ZNF614: variants seen among roughly 807,000 people sequenced by gnomAD.
ZNF614 encodes zinc finger protein 614.
Under a neutral mutation model 12.8 loss-of-function variants are expected in ZNF614, and 11 were observed. The ratio of observed to expected loss-of-function variants is 0.86; its 90% CI spans 0.54 to 1.43. The LOEUF (loss-of-function observed/expected upper bound fraction) is 1.43, where lower values mean the gene tolerates loss of function less well. ZNF614 is among the 40% of genes most tolerant of loss of function. The probability of loss-of-function intolerance (pLI) is 0.00; values close to 1 mark genes in which losing one functional copy is unlikely to be tolerated. For missense variants in ZNF614, 664 were observed against 708.8 expected (o/e 0.94, Z 0.72); for synonymous variants, 237 against 237.5 (o/e 1.00, Z 0.02).
chr19:52,017,758 T>G, intron 4 of ZNF614: 1 of 401,488 alleles, frequency 2.5e-6, no homozygotes, highest in South Asian at 6.1e-5. Flanking sequence ...TGGCTCTTTA[T>G]TGTCAACTCT....
chr19:52,018,545 TAG>T (rs2086915331), intron 2 of ZNF614, 51 bp from the exon 3 acceptor site: 1 of 1,539,822 alleles, frequency 6.5e-7, no homozygotes, highest in Non-Finnish European at 8.8e-7. Flanking sequence ...ATTGTTAATA[TAG>T]AAGTATAAGA....
At chr19:52,018,326 C>T (rs2086913247) in intron 3 of ZNF614, 42 bp downstream of exon 3, 1 of 1,613,282 alleles carries the variant, frequency 6.2e-7, no homozygotes, top group South Asian at 1.1e-5. Flanking sequence ...GGTGTCTGGG[C>T]ATTGTAGGCA....
chr19:52,021,483 C>G (rs993231065), intron 2 of ZNF614, among the ~76,000 whole-genome samples: 56 of 152,086 alleles, frequency 3.7e-4, no homozygotes, highest in African/African-American at 1.3e-3. Flanking sequence ...AGGAGTGGGG[C>G]ACACATCTGT....
At position 52,016,284 on chromosome 19, in the gene ZNF614, TGTG is replaced by T. The variant is rs2123116848; in HGVS notation, c.1311_1313del (p.Thr438del). The T allele has an allele frequency of 6.2e-7, 1 of 1,613,684 alleles. No homozygotes were observed. Among genetic ancestry groups the T allele is most frequent in the Non-Finnish European group, 8.5e-7 (1 of 1,179,942 alleles). ...GCTGATGTATAATAAGAGTGCGCTT[TGTG>T]GTGAAGCCTTTACCACATTCATTGC... is the stretch of plus-strand genomic sequence containing the variant. On this transcript the variant is annotated inframe_deletion, in exon 5 of 5. Transcript: ENST00000270649.
At chr19:52,020,648 T>C (rs1413228153) in intron 2 of ZNF614, among the ~76,000 whole-genome samples, 1 of 152,212 alleles carries the variant, frequency 6.6e-6, no homozygotes, top group African/African-American at 2.4e-5. Context: ...CCTTCCTGAC[T>C]GGTATTACAT....
chr19:52,022,460 T>C (rs1282106849), intron 2 of ZNF614, among the ~76,000 whole-genome samples: 1 of 152,226 alleles, frequency 6.6e-6, no homozygotes, highest in Non-Finnish European at 1.5e-5. Flanking sequence ...GGAGCGCCTT[T>C]GCGCGGCTGC....
At position 52,016,122 on chromosome 19, in the gene ZNF614, A is replaced by G. The variant is rs746264178; in HGVS notation, c.1476T>C (p.Tyr492=). The G allele has an allele frequency of 9.9e-6, 16 of 1,613,814 alleles. No homozygotes were observed. The South Asian group carries it at 1.4e-4, about 14-fold the overall frequency. ...GGGTAATGAGGCCATATTTGTGTGA[A>G]TAGGATTTTCCGCACTCGGTACATA... ...PFVCTECGKS[Y]SHKYGLITHQ... is the part of the protein sequence containing the mutation. The change falls in exon 5 of 5, where the codon TAT becomes TAC. Residue 492 remains tyrosine (Y), a synonymous_variant. Coordinates refer to ENST00000270649, the MANE Select transcript of ZNF614 (RefSeq NM_025040.4).
At chr19:52,024,073 G>C (rs540349481) in intron 2 of ZNF614, among the ~76,000 whole-genome samples, 17 of 152,216 alleles carry the variant, frequency 1.1e-4, no homozygotes, top group Non-Finnish European at 2.5e-4. Context: ...GGTAGTCCTG[G>C]GAGGGTAGAA....
In ZNF614 at chr19:52,020,445, G is replaced by A. The variant is rs544993164; in HGVS notation, c.16-1951C>T. Among the ~76,000 whole-genome samples the A allele has an allele frequency of 1.2e-4, 18 of 152,332 alleles. No homozygotes were observed. The South Asian group carries it at 3.3e-3, about 28-fold the overall frequency. ...GGTTCCAAACACAAAGCTGCTGACT[G>A]TCCTCTCCTCATGGAATCCTTGGTG... On this transcript the variant is annotated intron_variant, in intron 2 of 4. Coordinates refer to ENST00000270649, the MANE Select transcript of ZNF614 (RefSeq NM_025040.4).
chr19:52,026,579 T>C (rs1188602881), intron 1 of ZNF614, among the ~76,000 whole-genome samples: 2 of 152,158 alleles, frequency 1.3e-5, no homozygotes, highest in East Asian at 1.9e-4. Context: ...GCCTGAGATA[T>C]GGCCTCGTGG....
At chr19:52,026,196 T>TC (rs1371342867) in intron 1 of ZNF614, among the ~76,000 whole-genome samples, 1 of 152,220 alleles carries the variant, frequency 6.6e-6, no homozygotes, top group Non-Finnish European at 1.5e-5. Context: ...GCACAATGCC[T>TC]CAGAGGCAGG....
At chr19:52,024,528 AAAG>A (rs1254863184) in intron 2 of ZNF614, among the ~76,000 whole-genome samples, 1 of 151,866 alleles carries the variant, frequency 6.6e-6, no homozygotes, top group Non-Finnish European at 1.5e-5. Context: ...GTCTATGTAG[AAAG>A]AAGTAGACGT....
At position 52,025,861 on chromosome 19, in the gene ZNF614, G is replaced by T; in HGVS notation, c.-116C>A. The T allele has an allele frequency of 1.8e-6, 2 of 1,103,670 alleles. No individual in the cohort carries two copies. The highest frequency in any genetic ancestry group is 2.8e-5 in the South Asian group (2 of 70,318). The allele number at this position is 1,103,670 out of a possible 1,614,324, so 68.4% of individuals were successfully genotyped here. On this transcript the variant is annotated 5_prime_UTR_variant, in exon 2 of 5. Coordinates refer to ENST00000270649, the MANE Select transcript of ZNF614 (RefSeq NM_025040.4). ...TCAGAAATATTAGTGTCCACTTAAA[G>T]TTGTCCCCAGAAATTATGATATCCA... is the stretch of plus-strand genomic sequence containing the variant.
intron 1 of ZNF614, among the ~76,000 whole-genome samples, chr19:52,026,627 G>C (rs965810844): frequency 4.6e-5 from 7 of 152,180 alleles, no homozygotes; most frequent in African/African-American, 1.7e-4. Context: ...CCCGACACCT[G>C]TAAAGGGTCT....
At chr19:52,026,167 G>A (rs1415456160) in intron 1 of ZNF614, among the ~76,000 whole-genome samples, 3 of 152,200 alleles carry the variant, frequency 2.0e-5, no homozygotes, top group East Asian at 1.9e-4. Flanking sequence ...AGAGAAGGTG[G>A]GAAAGCAGAA....
In ZNF614 at chr19:52,014,061, A is replaced by ATCT. The variant is rs2086882181; in HGVS notation, c.*1778_*1779insAGA. 7.8e-6 allele frequency: 1 copy of ATCT among 127,798 alleles called. No homozygotes were observed. The highest frequency in any genetic ancestry group is 1.6e-5 in the Non-Finnish European group (1 of 61,294). 7.9% of individuals were successfully genotyped at this position (127,798 alleles called of 1,614,324 possible). A position where few individuals can be genotyped will look rare whatever the true frequency, so the allele number is the denominator to read the frequency against. On this transcript the variant is annotated 3_prime_UTR_variant, in exon 5 of 5. Transcript: ENST00000270649. The stretch of plus-strand genomic sequence containing the variant: ...TAATCTTAGTTAAGCAAGTCCAAAT[A>ATCT]TGTTGTTAATATATTTAACATATTC...
At position 52,028,302 on chromosome 19, in the gene ZNF614, A is replaced by G. The variant is rs949892709; in HGVS notation, c.-277T>C. On this transcript the variant is annotated 5_prime_UTR_variant, in exon 1 of 5. Transcript: ENST00000270649. ...ACAAAACGCCGCATCCACGTCCGAA[A>G]ACGCTTCCTATTCAGACGCGCTCCT... 1 of 152,468 alleles carries G rather than the reference A, an allele frequency of 6.6e-6. No homozygotes were observed. The highest frequency in any genetic ancestry group is 1.5e-5 in the Non-Finnish European group (1 of 68,118). The allele number at this position is 152,468 out of a possible 1,614,324, so 9.4% of individuals were successfully genotyped here. A position where few individuals can be genotyped will look rare whatever the true frequency, so the allele number is the denominator to read the frequency against.
chr19:52,026,536 CA>C (rs1013258906), intron 1 of ZNF614, among the ~76,000 whole-genome samples: 43 of 152,302 alleles, frequency 2.8e-4, no homozygotes, highest in African/African-American at 1.0e-3. Flanking sequence ...CTAGGAAAAC[CA>C]GGTATTGTCC....
chr19:52,027,492 C>G (rs1171079110), intron 1 of ZNF614, among the ~76,000 whole-genome samples: 1 of 152,194 alleles, frequency 6.6e-6, no homozygotes, highest in Non-Finnish European at 1.5e-5. Flanking sequence ...GCCAAATTGT[C>G]TATCCTAATA....
Sources: allele counts gnomAD v4.1 joint callset (sites outside exome capture counted in the v4.1 genomes callset), GRCh38; gene constraint gnomAD v4.1.1; transcripts MANE v1.5; gene names NCBI Gene and HGNC (gene_info 2026-07-23, HGNC 2026-07-21).